Variants in ELP4 observed in about 807,000 individuals in gnomAD.
ELP4 encodes the protein elongator complex protein 4.
Under a neutral mutation model 48.9 loss-of-function variants are expected in ELP4, and 51 were observed. The observed-to-expected ratio is 1.04, with a 90% CI of 0.83 to 1.32. ELP4 has a LOEUF of 1.32. ELP4 is among the 40% of genes most tolerant of loss of function. ELP4 has a pLI of 0.00. For synonymous variants in ELP4, 210 were observed against 189.2 expected (o/e 1.11, Z -0.90); for missense variants, 519 against 514.6 (o/e 1.01, Z -0.08).
intron 9 of ELP4, among the ~76,000 whole-genome samples, chr11:31,769,887 T>C (rs1373199829): frequency 6.6e-6 from 1 of 152,160 alleles, no homozygotes; most frequent in African/African-American, 2.4e-5. Context: ...TCTAAAAACA[T>C]TGTGTGTTCC....
intron 1 of ELP4, among the ~76,000 whole-genome samples, chr11:31,512,941 C>A (rs998039885): frequency 3.3e-5 from 5 of 151,936 alleles, no homozygotes; most frequent in Admixed American, 6.6e-5. Flanking sequence ...GATTTGACCT[C>A]TGTGCTGTTA....
chr11:31,578,532 C>T (rs997320354), intron 3 of ELP4, among the ~76,000 whole-genome samples: 41 of 152,270 alleles, frequency 2.7e-4, no homozygotes, highest in African/African-American at 9.1e-4. Context: ...TACCTGACTT[C>T]CAACTATACT....
intron 3 of ELP4, among the ~76,000 whole-genome samples, chr11:31,550,687 C>A (rs954958338): frequency 3.3e-5 from 5 of 152,092 alleles, no homozygotes; most frequent in Non-Finnish European, 1.5e-5. Context: ...TGCAAAAATA[C>A]CCTTGTTAGA....
intron 9 of ELP4, among the ~76,000 whole-genome samples, chr11:31,706,084 A>G (rs565623917): frequency 2.0e-5 from 3 of 152,210 alleles, no homozygotes; most frequent in African/African-American, 7.2e-5. Context: ...TTTAATAAAA[A>G]TACGTTGCAT....
chr11:31,735,831 A>C (rs770613637), intron 9 of ELP4, among the ~76,000 whole-genome samples: 20 of 152,158 alleles, frequency 1.3e-4, no homozygotes, highest in East Asian at 1.9e-4. Context: ...AAAGAGGATA[A>C]AAACAAATGG....
chr11:31,656,529 T>C (rs1945437319), intron 9 of ELP4, among the ~76,000 whole-genome samples: 1 of 152,098 alleles, frequency 6.6e-6, no homozygotes, highest in Non-Finnish European at 1.5e-5. Context: ...CCGTAATTTT[T>C]ATATAAAAAT....
intron 3 of ELP4, among the ~76,000 whole-genome samples, chr11:31,560,707 AACGT>A (rs1957008199): frequency 6.8e-6 from 1 of 147,450 alleles, no homozygotes; most frequent in Admixed American, 6.8e-5. Flanking sequence ...TATATAAAAC[AACGT>A]TGTTTTATAT....
intron 9 of ELP4, among the ~76,000 whole-genome samples, chr11:31,670,049 C>G (rs1041956185): frequency 6.6e-6 from 1 of 152,118 alleles, no homozygotes; most frequent in Non-Finnish European, 1.5e-5. Flanking sequence ...TGACTTCCTT[C>G]TAAATCTTTG....
chr11:31,520,130 GT>G, intron 2 of ELP4, 39 bp downstream of exon 2: 1 of 1,548,674 alleles, frequency 6.5e-7, no homozygotes, highest in Non-Finnish European at 8.8e-7. Flanking sequence ...CTCTATCATT[GT>G]TTTCTGTTGT....
intron 9 of ELP4, among the ~76,000 whole-genome samples, chr11:31,676,170 C>T (rs1167182024): frequency 1.3e-5 from 2 of 152,132 alleles, no homozygotes; most frequent in Admixed American, 1.3e-4. Context: ...TGCTTGAACA[C>T]AGTAAGCCTC....
At chr11:31,547,112 A>C (rs963500194) in intron 3 of ELP4, among the ~76,000 whole-genome samples, 5 of 152,220 alleles carry the variant, frequency 3.3e-5, no homozygotes, top group African/African-American at 1.2e-4. Flanking sequence ...AAAAGCTAGC[A>C]GAAGGCAAGA....
At chr11:31,606,340 A>G (rs1178804658) in intron 5 of ELP4, among the ~76,000 whole-genome samples, 1 of 152,144 alleles carries the variant, frequency 6.6e-6, no homozygotes, top group Non-Finnish European at 1.5e-5. Flanking sequence ...ATAAAACAAT[A>G]AAGCTAAGCC....
chr11:31,574,438 G>C (rs561862325), intron 3 of ELP4, among the ~76,000 whole-genome samples: 5 of 152,126 alleles, frequency 3.3e-5, no homozygotes, highest in African/African-American at 1.2e-4. Flanking sequence ...GAGAGTAGTC[G>C]TTCTCCCAGC....
chr11:31,553,266 C>T (rs1473641912), intron 3 of ELP4, among the ~76,000 whole-genome samples: 3 of 152,050 alleles, frequency 2.0e-5, no homozygotes, highest in Non-Finnish European at 2.9e-5. Context: ...TCTGAGGAAA[C>T]ATGATACCCA....
intron 3 of ELP4, among the ~76,000 whole-genome samples, chr11:31,569,186 A>G (rs1392082259): frequency 6.6e-6 from 1 of 152,196 alleles, no homozygotes; most frequent in Non-Finnish European, 1.5e-5. Flanking sequence ...TCTGGACATC[A>G]GCCTTGGCAA....
rs571801056 is a variant in ELP4 at position 31,716,005 on chromosome 11, A to G, written c.1143+65784A>G. 2.0e-3 allele frequency among the ~76,000 whole-genome samples: 298 copies of G among 152,220 alleles called. 1 individual carries two copies. Among genetic ancestry groups the G allele is most frequent in the African/African-American group, 6.8e-3 (283 of 41,536 alleles). On this transcript the variant is annotated intron_variant, in intron 9 of 9. Coordinates refer to ENST00000640961, the MANE Select transcript of ELP4 (RefSeq NM_019040.5). The stretch of plus-strand genomic sequence containing the variant: ...AATGTTAGAGATATGTATTAGTACA[A>G]GGAGGTTTGTTTGTTTGTTTGTTTT...
At chr11:31,542,305 C>T (rs1363568557) in intron 3 of ELP4, among the ~76,000 whole-genome samples, 1 of 152,112 alleles carries the variant, frequency 6.6e-6, no homozygotes, top group Non-Finnish European at 1.5e-5. Flanking sequence ...CAAGGAAATT[C>T]TATTTATAAA....
intron 7 of ELP4, chr11:31,632,755 C>T (rs116625320): frequency 1.4e-3 from 234 of 164,708 alleles, no homozygotes; most frequent in African/African-American, 5.1e-3. Flanking sequence ...ATCTCCCTCA[C>T]ACCTCCAATC....
chr11:31,584,158 A>G (rs2133975936), intron 3 of ELP4, among the ~76,000 whole-genome samples: 1 of 152,208 alleles, frequency 6.6e-6, no homozygotes, highest in Non-Finnish European at 1.5e-5. Flanking sequence ...ATGAAAACAA[A>G]TAGATTTTGC....
Sources: gnomAD v4.1 joint callset for allele counts (sites outside exome capture counted in the v4.1 genomes callset) on GRCh38, gnomAD v4.1.1 for gene constraint, MANE v1.5 for transcripts, NCBI Gene and HGNC (gene_info 2026-07-23, HGNC 2026-07-21) for gene names.